Variants in MAGI2 observed in about 807,000 individuals in gnomAD.
MAGI2 encodes the protein membrane associated guanylate kinase, WW and PDZ domain containing 2.
A neutral mutation model predicts 133.3 loss-of-function variants in MAGI2; 35 were observed. The ratio of observed to expected loss-of-function variants is 0.26; its 90% CI spans 0.20 to 0.35. The LOEUF (loss-of-function observed/expected upper bound fraction) is 0.35. Ranked by LOEUF, MAGI2 falls within the 10% of genes least tolerant of loss-of-function variation. MAGI2 has a pLI of 1.00. For synonymous variants in MAGI2, 729 were observed against 710.6 expected, an observed-to-expected ratio of 1.03 and a Z score of -0.41; for missense variants, 1,636 against 1,863.4, an observed-to-expected ratio of 0.88 and a Z score of 2.25.
chr7:78,067,977 T>C (rs886981466), intron 21 of MAGI2, among the ~76,000 whole-genome samples: 1 of 152,224 alleles, frequency 6.6e-6, no homozygotes, highest in Non-Finnish European at 1.5e-5. Flanking sequence ...AGTGACACTA[T>C]TCTGTATGAT....
rs548481443 is a variant in MAGI2, at chr7:78,297,543, G to A, written c.1409-40962C>T. 2.5e-3 allele frequency among the ~76,000 whole-genome samples: 378 copies of A among 148,966 alleles called. 2 individuals are homozygous for A. The highest frequency in any genetic ancestry group is 8.5e-3 in the African/African-American group (345 of 40,716). ...ACACATGCACACGTATGTTTATTGC[G>A]GCATTATTCACAATAGCAAAGACTT... On this transcript the variant is annotated intron_variant, in intron 9 of 21. Transcript: ENST00000354212.
At chr7:79,124,285 A>G (rs1295758654) in intron 1 of MAGI2, among the ~76,000 whole-genome samples, 1 of 152,232 alleles carries the variant, frequency 6.6e-6, no homozygotes, top group African/African-American at 2.4e-5. Context: ...GTTAATCATT[A>G]AAATGCCTAC....
intron 9 of MAGI2, among the ~76,000 whole-genome samples, chr7:78,290,217 G>A (rs960096226): frequency 1.3e-5 from 2 of 152,162 alleles, no homozygotes; most frequent in Non-Finnish European, 2.9e-5. Context: ...CATCTCACAT[G>A]CAGAGACACA....
At chr7:78,781,504 A>G (rs1293702487) in intron 2 of MAGI2, among the ~76,000 whole-genome samples, 1 of 152,206 alleles carries the variant, frequency 6.6e-6, no homozygotes, top group East Asian at 1.9e-4. Context: ...CTCCCCATCT[A>G]CTAAATAAAC....
intron 21 of MAGI2, among the ~76,000 whole-genome samples, chr7:78,051,927 A>G (rs1182063543): frequency 7.1e-6 from 1 of 139,918 alleles, no homozygotes; most frequent in East Asian, 2.2e-4. Context: ...TGTGTTACCC[A>G]GGCTGGAGGG....
At chr7:78,349,907 T>G (rs1180548117) in intron 7 of MAGI2, among the ~76,000 whole-genome samples, 1 of 152,222 alleles carries the variant, frequency 6.6e-6, no homozygotes, top group Non-Finnish European at 1.5e-5. Flanking sequence ...ACAAATGCCA[T>G]CCTTCTCATT....
intron 2 of MAGI2, among the ~76,000 whole-genome samples, chr7:79,004,277 TA>T (rs1005056487): frequency 2.0e-5 from 3 of 151,776 alleles, no homozygotes; most frequent in Non-Finnish European, 2.9e-5. Context: ...TCTTCAACCA[TA>T]AAAAAAATAA....
At chr7:78,453,591 T>C (rs1400613369) in intron 6 of MAGI2, among the ~76,000 whole-genome samples, 1 of 152,180 alleles carries the variant, frequency 6.6e-6, no homozygotes, top group Non-Finnish European at 1.5e-5. Flanking sequence ...ACTTGAAACA[T>C]CACTGACATG....
At chr7:79,417,967 G>A (rs952161447) in intron 1 of MAGI2, among the ~76,000 whole-genome samples, 12 of 152,052 alleles carry the variant, frequency 7.9e-5, no homozygotes, top group African/African-American at 2.9e-4. Flanking sequence ...AAAGCAATCT[G>A]AGGATATTCC....
At chr7:79,408,120 T>G (rs532587358) in intron 1 of MAGI2, among the ~76,000 whole-genome samples, 11 of 152,232 alleles carry the variant, frequency 7.2e-5, no homozygotes, top group African/African-American at 2.6e-4. Flanking sequence ...TTGGAAAGCT[T>G]GATTTTACTA....
intron 1 of MAGI2, among the ~76,000 whole-genome samples, chr7:79,089,539 G>A (rs1044057006): frequency 1.3e-5 from 2 of 151,828 alleles, no homozygotes; most frequent in Admixed American, 1.3e-4. Context: ...CAATAGCAAA[G>A]ACTTTGAACC....
intron 1 of MAGI2, among the ~76,000 whole-genome samples, chr7:79,028,887 A>G (rs1420623436): frequency 6.6e-6 from 1 of 152,194 alleles, no homozygotes; most frequent in Non-Finnish European, 1.5e-5. Context: ...ATTCATGCAA[A>G]AATCTCATTT....
At chr7:78,190,279 C>A (rs1337854313) in intron 12 of MAGI2, among the ~76,000 whole-genome samples, 1 of 152,090 alleles carries the variant, frequency 6.6e-6, no homozygotes, top group African/African-American at 2.4e-5. Flanking sequence ...TAAGCCTTTA[C>A]CTCAAATTAG....
chr7:78,915,705 T>C (rs1208865444), intron 2 of MAGI2, among the ~76,000 whole-genome samples: 1 of 152,068 alleles, frequency 6.6e-6, no homozygotes, highest in African/African-American at 2.4e-5. Context: ...TATCTCTTCA[T>C]GGTTTCATCT....
At chr7:78,247,969 G>A (rs1378705071) in intron 10 of MAGI2, among the ~76,000 whole-genome samples, 2 of 152,178 alleles carry the variant, frequency 1.3e-5, no homozygotes, top group East Asian at 1.9e-4. Context: ...GATTAATGAA[G>A]CTTACAGGTT....
chr7:78,179,577 A>G (rs144221274), intron 13 of MAGI2, among the ~76,000 whole-genome samples: 1 of 152,224 alleles, frequency 6.6e-6, no homozygotes, highest in Non-Finnish European at 1.5e-5. Flanking sequence ...GCGCTTAAGT[A>G]CATATGTTTA....
At chr7:78,564,852 G>A (rs1449873196) in intron 3 of MAGI2, among the ~76,000 whole-genome samples, 2 of 125,392 alleles carry the variant, frequency 1.6e-5, no homozygotes, top group East Asian at 4.9e-4. Flanking sequence ...GGAGTGCAGT[G>A]GCAGGATCTC....
At chr7:79,028,316 C>T (rs376790191) in intron 1 of MAGI2, among the ~76,000 whole-genome samples, 1,321 of 122,764 alleles carry the variant, frequency 0.011, 60 homozygotes, top group African/African-American at 0.04. Flanking sequence ...TATATATACA[C>T]ACATATATAT....
chr7:78,606,955 C>T (rs1357140994), intron 3 of MAGI2, among the ~76,000 whole-genome samples: 1 of 152,176 alleles, frequency 6.6e-6, no homozygotes, highest in East Asian at 1.9e-4. Flanking sequence ...ATTCTTTATA[C>T]ATACTTCTAA....
Sources: gnomAD v4.1 joint callset for allele counts (sites outside exome capture counted in the v4.1 genomes callset) on GRCh38, gnomAD v4.1.1 for gene constraint, MANE v1.5 for transcripts, NCBI Gene and HGNC (gene_info 2026-07-23, HGNC 2026-07-21) for gene names.